SESTD1: variants seen among roughly 807,000 people sequenced by gnomAD.
The protein encoded by SESTD1 is SEC14 and spectrin domain containing 1.
Under a neutral mutation model 101.7 loss-of-function variants are expected in SESTD1, and 43 were observed. That is an observed-to-expected ratio of 0.42 (90% CI 0.33 to 0.55). SESTD1 has a LOEUF of 0.55. SESTD1 is among the 20% of genes least tolerant of loss of function. The pLI, the probability that SESTD1 is intolerant of heterozygous loss-of-function variation, is 0.07. For missense variants in SESTD1, 647 were observed against 815.1 expected, an observed-to-expected ratio of 0.79 and a Z score of 2.51; for synonymous variants, 283 against 286.8, an observed-to-expected ratio of 0.99 and a Z score of 0.13.
intron 8 of SESTD1, among the ~76,000 whole-genome samples, chr2:179,144,034 T>C (rs1575439956): frequency 6.6e-6 from 1 of 152,188 alleles, no homozygotes; most frequent in African/African-American, 2.4e-5. Context: ...CTAGATAGTA[T>C]ATTAAAATGC....
At chr2:179,252,073 A>G (rs1360125240) in intron 1 of SESTD1, among the ~76,000 whole-genome samples, 1 of 152,192 alleles carries the variant, frequency 6.6e-6, no homozygotes, top group Non-Finnish European at 1.5e-5. Context: ...AATGATTCAC[A>G]CTAAGGTATG....
In SESTD1 at chr2:179,107,538, T is replaced by C. The variant is rs1033127453; in HGVS notation, c.*2361A>G. 6.6e-6 allele frequency: 1 copy of C among 152,106 alleles called. No homozygotes were observed. Among genetic ancestry groups the C allele is most frequent in the Non-Finnish European group, 1.5e-5 (1 of 67,986 alleles). The allele number at this position is 152,106 out of a possible 1,614,324, so 9.4% of individuals were successfully genotyped here. On this transcript the variant is annotated 3_prime_UTR_variant, in exon 18 of 18. Transcript: ENST00000428443. ...TACTCTGAAATTCAGAAGAAACAGA[T>C]ATTGAGTATTGATATTTAGTTATTG... is the stretch of plus-strand genomic sequence containing the variant.
At chr2:179,223,826 A>G (rs924229404) in intron 1 of SESTD1, among the ~76,000 whole-genome samples, 2 of 152,192 alleles carry the variant, frequency 1.3e-5, no homozygotes, top group Non-Finnish European at 2.9e-5. Flanking sequence ...CTATTACTCT[A>G]TATTGGAACT....
chr2:179,170,289 C>T (rs1401151688), intron 5 of SESTD1, among the ~76,000 whole-genome samples: 1 of 150,512 alleles, frequency 6.6e-6, no homozygotes, highest in African/African-American at 2.4e-5. Context: ...AATGACAAGG[C>T]AAACAATAGA....
At chr2:179,218,396 T>C (rs1298540246) in intron 1 of SESTD1, among the ~76,000 whole-genome samples, 1 of 152,178 alleles carries the variant, frequency 6.6e-6, no homozygotes, top group Non-Finnish European at 1.5e-5. Flanking sequence ...TCACTTATCC[T>C]ATTTATATGG....
chr2:179,115,691 T>C (rs1575420657), intron 15 of SESTD1, among the ~76,000 whole-genome samples: 1 of 152,174 alleles, frequency 6.6e-6, no homozygotes, highest in African/African-American at 2.4e-5. Context: ...GAGGATGCAG[T>C]GCGCTATGAT....
chr2:179,157,400 C>T (rs765861925), intron 5 of SESTD1, among the ~76,000 whole-genome samples: 3 of 152,024 alleles, frequency 2.0e-5, no homozygotes, highest in Non-Finnish European at 4.4e-5. Flanking sequence ...AAAAAGAGCC[C>T]GTATAGCCAA....
chr2:179,132,907 G>C (rs2045043963), intron 9 of SESTD1, among the ~76,000 whole-genome samples: 1 of 152,180 alleles, frequency 6.6e-6, no homozygotes, highest in Non-Finnish European at 1.5e-5. Context: ...CTAACTCATA[G>C]TCTAATGTTC....
At chr2:179,262,235 T>C (rs2047492934) in intron 1 of SESTD1, among the ~76,000 whole-genome samples, 1 of 152,170 alleles carries the variant, frequency 6.6e-6, no homozygotes, top group Admixed American at 6.5e-5. Flanking sequence ...AGCTACCAGG[T>C]ACAAGGTTCT....
chr2:179,166,256 A>G (rs1005070569), intron 5 of SESTD1, among the ~76,000 whole-genome samples: 3 of 152,180 alleles, frequency 2.0e-5, no homozygotes, highest in Non-Finnish European at 4.4e-5. Context: ...TAAGAGGAAT[A>G]AGAGATTTGA....
chr2:179,151,309 T>C lies in SESTD1; in HGVS notation c.452A>G (p.Tyr151Cys), dbSNP rs746020648. 1 of 1,607,604 alleles carries C rather than the reference T, an allele frequency of 6.2e-7. No individual in the cohort carries two copies. The change falls in exon 6 of 18, where the codon TAT becomes TGT. Residue 151 changes from tyrosine to cysteine, a missense_variant. By Grantham distance (194) the Tyr-to-Cys change is radical. Transcript: ENST00000428443. The stretch of plus-strand genomic sequence containing the variant: ...CTTATTTAACCAGTCCATGTGATCA[T>C]AGGTGAGACTCCCACCAAAATCTTC... ...LTEDFGGSLT[Y>C]DHMDWLNKRL...
intron 10 of SESTD1, 120 bp from the exon 11 acceptor site, chr2:179,124,678 T>A: frequency 1.2e-6 from 1 of 804,472 alleles, no homozygotes; most frequent in Non-Finnish European, 1.9e-6. Context: ...AAGGCAAAAT[T>A]ATTAAAATTG....
chr2:179,246,254 C>CAAAAAAAAAAAAAAAAAAAAAAAAAAAAA (rs60185738), intron 1 of SESTD1, among the ~76,000 whole-genome samples: 2 of 73,706 alleles, frequency 2.7e-5, no homozygotes, highest in African/African-American at 5.6e-5. Flanking sequence ...GACTCCATCT[C>CAAAAAAAAAAAAAAAAAAAAAAAAAAAAA]AAAAAAAAAA....
intron 1 of SESTD1, among the ~76,000 whole-genome samples, chr2:179,197,537 A>C (rs561507368): frequency 3.3e-4 from 50 of 152,346 alleles, no homozygotes; most frequent in South Asian, 1.0e-3. Context: ...ATGAAGGAAA[A>C]AATGTTAAGG....
At chr2:179,182,947 T>C in intron 3 of SESTD1, 133 bp downstream of exon 3, 2 of 536,692 alleles carry the variant, frequency 3.7e-6, no homozygotes, top group South Asian at 3.8e-5. Flanking sequence ...TCATTGATTT[T>C]AGTATCTATA....
At chr2:179,116,591 G>C in intron 15 of SESTD1, 77 bp downstream of exon 15, 1 of 1,605,200 alleles carries the variant, frequency 6.2e-7, no homozygotes. Context: ...TACTTGGAAG[G>C]TAAAGTTACA....
At chr2:179,251,492 G>A (rs1002021809) in intron 1 of SESTD1, among the ~76,000 whole-genome samples, 2 of 152,186 alleles carry the variant, frequency 1.3e-5, no homozygotes, top group Admixed American at 6.5e-5. Context: ...ATCCAGACCT[G>A]TCCTTGCTCC....
At position 179,221,337 on chromosome 2, in the gene SESTD1, G is replaced by A. The variant is rs554572049; in HGVS notation, c.-25-29471C>T. On this transcript the variant is annotated intron_variant, in intron 1 of 17. Transcript: ENST00000428443. ...ATTAAAAAAAAAAAAATGGGGCTGG[G>A]TGCAGTGGCTCACACCTGTAATCCT... Among the ~76,000 whole-genome samples, 6 of 152,008 alleles carry A rather than the reference G, an allele frequency of 3.9e-5. No homozygotes were observed. In the East Asian group the frequency reaches 1.2e-3, roughly 29 times the overall value.
chr2:179,165,900 A>G (rs1188989330), intron 5 of SESTD1, among the ~76,000 whole-genome samples: 2 of 152,230 alleles, frequency 1.3e-5, no homozygotes, highest in African/African-American at 2.4e-5. Context: ...CAACTCTTAC[A>G]TAACAATGAC....
Sources: gnomAD v4.1 joint callset for allele counts (sites outside exome capture counted in the v4.1 genomes callset) on GRCh38, gnomAD v4.1.1 for gene constraint, MANE v1.5 for transcripts, NCBI Gene and HGNC (gene_info 2026-07-23, HGNC 2026-07-21) for gene names.